ASIC2: variants seen among roughly 807,000 people sequenced by gnomAD.
ASIC2 encodes the protein acid sensing ion channel subunit 2.
ASIC2 carries 25 observed loss-of-function variants against 57.3 expected under a neutral mutation model. The observed-to-expected ratio is 0.44, with a 90% CI of 0.32 to 0.61. The LOEUF (loss-of-function observed/expected upper bound fraction) is 0.61. Among genes scored for constraint, ASIC2 ranks in the 20% least tolerant of loss-of-function variants. ASIC2 has a pLI of 0.06. For synonymous variants in ASIC2, 319 were observed against 307.5 expected, an observed-to-expected ratio of 1.04 and a Z score of -0.39; for missense variants, 641 against 738.1, an observed-to-expected ratio of 0.87 and a Z score of 1.52.
chr17:33,700,697 G>C (rs1908670626), intron 1 of ASIC2, among the ~76,000 whole-genome samples: 1 of 152,200 alleles, frequency 6.6e-6, no homozygotes, highest in Admixed American at 6.5e-5. Context: ...TTAGGGTTCT[G>C]TTTTCATGGA....
At chr17:33,799,419 CTTTCTTTCTTCTTTCTTTCTTTCTTTCT>C (rs1912039094) in intron 1 of ASIC2, among the ~76,000 whole-genome samples, 2 of 68,832 alleles carry the variant, frequency 2.9e-5, no homozygotes, top group African/African-American at 1.1e-4. Flanking sequence ...TTCTTTCTTT[CTTTCTTTCTTCTTTCTTTCTTTCTTTCT>C]TTCTTTCTTT....
chr17:33,899,510 T>A (rs1046703698), intron 1 of ASIC2, among the ~76,000 whole-genome samples: 2 of 152,084 alleles, frequency 1.3e-5, no homozygotes, highest in African/African-American at 4.8e-5. Context: ...GCACTATACC[T>A]GAGCAACGGA....
At chr17:34,139,969 G>A (rs1178542449) in intron 1 of ASIC2, among the ~76,000 whole-genome samples, 2 of 152,158 alleles carry the variant, frequency 1.3e-5, no homozygotes, top group Non-Finnish European at 2.9e-5. Context: ...GGGGGGGTGA[G>A]CTTTTTCATT....
intron 1 of ASIC2, among the ~76,000 whole-genome samples, chr17:33,400,690 C>A (rs530723967): frequency 4.3e-4 from 66 of 152,240 alleles, no homozygotes; most frequent in African/African-American, 1.5e-3. Context: ...CCATTTGATT[C>A]CATTCCAAGG....
chr17:33,343,648 C>G (rs895093279), intron 1 of ASIC2, among the ~76,000 whole-genome samples: 1 of 152,168 alleles, frequency 6.6e-6, no homozygotes, highest in African/African-American at 2.4e-5. Context: ...TAAAGCCTTT[C>G]GTACATGAGA....
intron 1 of ASIC2, among the ~76,000 whole-genome samples, chr17:33,657,433 A>T (rs1224040140): frequency 6.6e-6 from 1 of 152,162 alleles, no homozygotes; most frequent in African/African-American, 2.4e-5. Context: ...GGCTCCTCAC[A>T]TCTCAGAAGT....
At chr17:33,535,009 GTA>G (rs1567642301) in intron 1 of ASIC2, among the ~76,000 whole-genome samples, 1 of 152,174 alleles carries the variant, frequency 6.6e-6, no homozygotes, top group African/African-American at 2.4e-5. Context: ...ATCCTGTGGG[GTA>G]AGTATTAGGA....
At chr17:33,895,466 G>A (rs1163577645) in intron 1 of ASIC2, among the ~76,000 whole-genome samples, 1 of 152,136 alleles carries the variant, frequency 6.6e-6, no homozygotes, top group Non-Finnish European at 1.5e-5. Flanking sequence ...CATGTCATGT[G>A]TTTAGCACCT....
intron 1 of ASIC2, among the ~76,000 whole-genome samples, chr17:33,961,226 C>A (rs886406860): frequency 6.6e-6 from 1 of 152,194 alleles, no homozygotes; most frequent in Non-Finnish European, 1.5e-5. Context: ...GCCCATGAAC[C>A]AAGTGCATAA....
At chr17:34,007,846 G>T (rs1906577669) in intron 1 of ASIC2, among the ~76,000 whole-genome samples, 1 of 152,182 alleles carries the variant, frequency 6.6e-6, no homozygotes, top group African/African-American at 2.4e-5. Flanking sequence ...ACGCTTTACA[G>T]TTGCCTAATG....
intron 1 of ASIC2, among the ~76,000 whole-genome samples, chr17:34,042,311 G>A (rs1908167450): frequency 6.6e-6 from 1 of 151,754 alleles, no homozygotes; most frequent in South Asian, 2.1e-4. Flanking sequence ...ACCCACAACT[G>A]GTAACAACCC....
intron 1 of ASIC2, among the ~76,000 whole-genome samples, chr17:33,692,706 C>T (rs7208527): frequency 0.024 from 3,684 of 152,254 alleles, 135 homozygotes; most frequent in African/African-American, 0.085. Flanking sequence ...TAGGGAATTA[C>T]TGTATGCCCT....
chr17:33,987,282 T>C (rs1905850959), intron 1 of ASIC2, among the ~76,000 whole-genome samples: 1 of 152,152 alleles, frequency 6.6e-6, no homozygotes, highest in Admixed American at 6.5e-5. Context: ...ATCCAGCTCC[T>C]TCTTCCCTCT....
At chr17:33,905,977 C>T (rs1441795410) in intron 1 of ASIC2, among the ~76,000 whole-genome samples, 4 of 151,610 alleles carry the variant, frequency 2.6e-5, no homozygotes, top group Admixed American at 6.6e-5. Flanking sequence ...GCCACTATGC[C>T]TGGCTGCCCA....
intron 3 of ASIC2, among the ~76,000 whole-genome samples, chr17:33,086,781 G>C (rs2092135403): frequency 6.6e-6 from 1 of 151,902 alleles, no homozygotes; most frequent in African/African-American, 2.4e-5. Context: ...TAGGGCCCCT[G>C]TCTCCCCGTC....
chr17:33,591,000 C>T (rs1202536303), intron 1 of ASIC2, among the ~76,000 whole-genome samples: 3 of 152,284 alleles, frequency 2.0e-5, no homozygotes, highest in African/African-American at 7.2e-5. Context: ...TCTTAGCCTT[C>T]AGTCTGGTCA....
intron 1 of ASIC2, among the ~76,000 whole-genome samples, chr17:33,185,173 C>A (rs960839424): frequency 6.6e-6 from 1 of 152,182 alleles, no homozygotes; most frequent in Non-Finnish European, 1.5e-5. Context: ...GAATTAGACT[C>A]ATCTATTTTA....
At chr17:33,238,428 C>A (rs186027333) in intron 1 of ASIC2, among the ~76,000 whole-genome samples, 1 of 152,214 alleles carries the variant, frequency 6.6e-6, no homozygotes, top group African/African-American at 2.4e-5. Context: ...GCCCTCTGGG[C>A]TATTCTTGAC....
chr17:33,394,556 G>A (rs1440368324), intron 1 of ASIC2, among the ~76,000 whole-genome samples: 1 of 152,214 alleles, frequency 6.6e-6, no homozygotes, highest in Non-Finnish European at 1.5e-5. Flanking sequence ...AGCAGGGTAT[G>A]AGGGACAGAG....
Sources: gnomAD v4.1 joint callset for allele counts (sites outside exome capture counted in the v4.1 genomes callset) on GRCh38, gnomAD v4.1.1 for gene constraint, MANE v1.5 for transcripts, NCBI Gene and HGNC (gene_info 2026-07-23, HGNC 2026-07-21) for gene names.